The following ADGB variants were observed in gnomAD, a reference collection of about 807,000 sequenced individuals.
The protein encoded by ADGB is androglobin, also known as calpain-7-like protein.
A neutral mutation model predicts 210.5 loss-of-function variants in ADGB; 172 were observed. That is an observed-to-expected ratio of 0.82 (90% CI 0.72 to 0.93). The LOEUF (loss-of-function observed/expected upper bound fraction) is 0.93, where lower values mean the gene tolerates loss of function less well. Among genes scored for constraint, ADGB ranks in the 40% least tolerant of loss-of-function variants. The pLI is 0.00. For synonymous variants in ADGB, 658 were observed against 662.7 expected (o/e 0.99, Z 0.11); for missense variants, 2,025 against 1,964.8 (o/e 1.03, Z -0.58).
chr6:146,638,755 A>T (rs1204202930), intron 2 of ADGB: 2 of 87,988 alleles, frequency 2.3e-5, no homozygotes, highest in South Asian at 6.2e-4. Context: ...AAAGTATAAT[A>T]AAAAAAAAAC....
At chr6:146,733,782 C>G in intron 21 of ADGB, 111 bp from the exon 22 acceptor site, 1 of 1,168,992 alleles carries the variant, frequency 8.6e-7, no homozygotes, top group African/African-American at 1.6e-5. Flanking sequence ...GATGCTAACT[C>G]TTGCAATGTA....
intron 29 of ADGB, among the ~76,000 whole-genome samples, 156 bp downstream of exon 29, chr6:146,769,287 G>T (rs1388065314): frequency 1.3e-5 from 2 of 151,896 alleles, no homozygotes; most frequent in Non-Finnish European, 2.9e-5. Flanking sequence ...ATTTCCTGTT[G>T]TGTTAATTGA....
In ADGB at chr6:146,752,515, T is replaced by G. The variant is rs1339997162; in HGVS notation, c.3366-15T>G. On this transcript the variant is annotated splice_polypyrimidine_tract_variant and intron_variant, in intron 26 of 35. Transcript: ENST00000397944. ...CAACATACTTGCTTATAATGTTAAC[T>G]TTTTTTCTTTACAGGTATTCGGTTA... is the stretch of plus-strand genomic sequence containing the variant. 6.6e-7 allele frequency: 1 copy of G among 1,526,042 alleles called. No homozygotes were observed. Among genetic ancestry groups the G allele is most frequent in the Non-Finnish European group, 8.8e-7 (1 of 1,135,096 alleles). The allele number at this position is 1,526,042 out of a possible 1,614,324, so 94.5% of individuals were successfully genotyped here.
At position 146,769,123 on chromosome 6, in the gene ADGB, A is replaced by T; in HGVS notation, c.3854A>T (p.Asn1285Ile). ...VQALKDLKKS[N>I]TKAYGERHEE... Reference sequence around the variant, plus strand: ...GCACTGAAAGACTTAAAGAAAAGTAATACCAAAGGTATGTCACCCTAAATG... The same window carrying T: ...GCACTGAAAGACTTAAAGAAAAGTATTACCAAAGGTATGTCACCCTAAATG... Residue 1285 changes from asparagine (N) to isoleucine (I), a missense_variant, in exon 29 of 36, where the codon AAT (asparagine) becomes ATT (isoleucine). Asn to Ile is a moderately radical substitution (Grantham distance 149). Coordinates refer to ENST00000397944, the MANE Select transcript of ADGB (RefSeq NM_024694.4). 5.3e-6 allele frequency: 8 copies of T among 1,512,118 alleles called. No individual in the cohort carries two copies. Among genetic ancestry groups the T allele is most frequent in the Non-Finnish European group, 7.2e-6 (8 of 1,117,420 alleles). 93.7% of individuals were successfully genotyped at this position (1,512,118 alleles called of 1,614,324 possible).
At chr6:146,612,208 G>T (rs1780722862) in intron 1 of ADGB, among the ~76,000 whole-genome samples, 1 of 152,060 alleles carries the variant, frequency 6.6e-6, no homozygotes, top group South Asian at 2.1e-4. Flanking sequence ...ATTCTCTGAT[G>T]GTCTTAGTTT....
chr6:146,691,411 A>AATATATATATATATAT (rs71031004), intron 11 of ADGB, 121 bp downstream of exon 11: 1 of 98,204 alleles, frequency 1.0e-5, no homozygotes, highest in African/African-American at 1.2e-4. Flanking sequence ...GCCTATGTTT[A>AATATATATATATATAT]ATATATATAT....
chr6:146,622,649 T>C (rs1380201490), intron 1 of ADGB, among the ~76,000 whole-genome samples: 2 of 152,122 alleles, frequency 1.3e-5, no homozygotes, highest in Non-Finnish European at 2.9e-5. Flanking sequence ...TATATACTTT[T>C]CGAATATTTT....
Position 146,753,014 on chromosome 6 carries a change from AATTC to A in ADGB, c.3550+304_3550+307del, listed in dbSNP as rs570375226. Among the ~76,000 whole-genome samples, 5 of 152,194 alleles carry A rather than the reference AATTC, an allele frequency of 3.3e-5. No homozygotes were observed. The South Asian group carries it at 1.0e-3, about 32-fold the overall frequency. ...AATATTTTTACTTTTTTAAATTCGT[AATTC>A]ATTATTTTCAGAAAATATTGTACTT... On this transcript the variant is annotated intron_variant, in intron 27 of 35. Transcript: ENST00000397944.
At chr6:146,704,028 T>A (rs1378188052) in intron 13 of ADGB, among the ~76,000 whole-genome samples, 1 of 152,042 alleles carries the variant, frequency 6.6e-6, no homozygotes. Flanking sequence ...GATATCTCAC[T>A]GTGGTCTTAA....
At chr6:146,657,631 G>T (rs1775803777) in intron 5 of ADGB, among the ~76,000 whole-genome samples, 1 of 152,178 alleles carries the variant, frequency 6.6e-6, no homozygotes, top group Non-Finnish European at 1.5e-5. Flanking sequence ...AGCGGGGCAG[G>T]CAGGTGGATG....
chr6:146,643,254 A>G (rs1347028908), intron 2 of ADGB, among the ~76,000 whole-genome samples: 2 of 151,698 alleles, frequency 1.3e-5, no homozygotes, highest in East Asian at 3.9e-4. Flanking sequence ...AGATAAACAT[A>G]TATACTTATA....
Position 146,725,848 on chromosome 6 carries a change from TG to T in ADGB, c.2238-233del, listed in dbSNP as rs566415879. 5.8e-4 allele frequency: 212 copies of T among 368,032 alleles called. 1 individual carries two copies. The highest frequency in any genetic ancestry group is 4.6e-3 in the Middle Eastern group (6 of 1,306). The allele number at this position is 368,032 out of a possible 1,614,324, so 22.8% of individuals were successfully genotyped here. ...CTCCAGCATGTACTGCAGAGAAGTT[TG>T]GTATTTAGCCTAACTATTTTTGTCC... On this transcript the variant is annotated intron_variant, in intron 18 of 35. Transcript: ENST00000397944.
At chr6:146,703,672 A>G (rs768114949) in intron 13 of ADGB, among the ~76,000 whole-genome samples, 23 of 151,956 alleles carry the variant, frequency 1.5e-4, no homozygotes, top group South Asian at 6.2e-4. Flanking sequence ...TCTATTTTGT[A>G]TATATACCAT....
intron 13 of ADGB, among the ~76,000 whole-genome samples, chr6:146,705,441 A>G (rs1178841479): frequency 6.6e-6 from 1 of 152,132 alleles, no homozygotes; most frequent in East Asian, 1.9e-4. Context: ...GTGTTGAAGT[A>G]CATTCTTTAT....
At chr6:146,668,378 A>T (rs1011272650) in intron 7 of ADGB, among the ~76,000 whole-genome samples, 2 of 152,100 alleles carry the variant, frequency 1.3e-5, no homozygotes, top group African/African-American at 2.4e-5. Flanking sequence ...CATCTTCACC[A>T]TATTTTCAGC....
chr6:146,691,542 C>G (rs1445381347), intron 11 of ADGB, among the ~76,000 whole-genome samples: 2 of 93,902 alleles, frequency 2.1e-5, no homozygotes. Flanking sequence ...GAGTCTCGCT[C>G]TGTGGCCTAG....
chr6:146,794,207 T>C (rs1202504785), intron 33 of ADGB, among the ~76,000 whole-genome samples: 1 of 152,134 alleles, frequency 6.6e-6, no homozygotes, highest in African/African-American at 2.4e-5. Context: ...GAGGCAGATA[T>C]AGGTTGAAGT....
intron 1 of ADGB, among the ~76,000 whole-genome samples, chr6:146,627,653 C>G (rs115336324): frequency 6.6e-6 from 1 of 151,990 alleles, no homozygotes; most frequent in Admixed American, 6.6e-5. Context: ...TTTTTTTCCC[C>G]GGCTTTGGGT....
chr6:146,622,640 A>G (rs1326552301), intron 1 of ADGB, among the ~76,000 whole-genome samples: 2 of 152,092 alleles, frequency 1.3e-5, no homozygotes, highest in African/African-American at 2.4e-5. Context: ...TTTACCAGGT[A>G]TATACTTTTC....
Sources: allele counts gnomAD v4.1 joint callset (sites outside exome capture counted in the v4.1 genomes callset), GRCh38; gene constraint gnomAD v4.1.1; transcripts MANE v1.5; gene names NCBI Gene and HGNC (gene_info 2026-07-23, HGNC 2026-07-21).